The following TUBGCP3 variants were observed in gnomAD, a reference collection of about 807,000 sequenced individuals.
TUBGCP3 encodes tubulin gamma complex component 3, also known as gamma-tubulin complex component 3.
In TUBGCP3, 50 loss-of-function variants were observed where a neutral mutation model predicts 123.1. The observed-to-expected ratio is 0.41, with a 90% CI of 0.32 to 0.51. The LOEUF (loss-of-function observed/expected upper bound fraction) is 0.51. Ranked by LOEUF, TUBGCP3 falls within the 20% of genes least tolerant of loss-of-function variation. The probability of loss-of-function intolerance (pLI) is 0.36; values close to 1 mark genes in which losing one functional copy is unlikely to be tolerated. For missense variants in TUBGCP3, 882 were observed against 1,127.0 expected (o/e 0.78, Z 3.11); for synonymous variants, 405 against 413.9 (o/e 0.98, Z 0.26).
rs541049664 is a variant in TUBGCP3, at chr13:112,560,407, G to A, written c.253-1008C>T. Among the ~76,000 whole-genome samples the A allele has an allele frequency of 2.6e-3, 397 of 151,520 alleles. 3 individuals carry two copies. Among genetic ancestry groups the A allele is most frequent in the African/African-American group, 9.2e-3 (379 of 41,310 alleles). Reference sequence around the variant, plus strand: ...ATCCCGCCACTGCACTCCAGCCTGGGCGACAGAGCGAGACTCCGTCTCAAA... The same window carrying A: ...ATCCCGCCACTGCACTCCAGCCTGGACGACAGAGCGAGACTCCGTCTCAAA... On this transcript the variant is annotated intron_variant, in intron 3 of 21. Coordinates refer to ENST00000261965, the MANE Select transcript of TUBGCP3 (RefSeq NM_006322.6).
chr13:112,554,997 C>A lies in TUBGCP3; in HGVS notation c.730G>T (p.Glu244Ter). ...RREGDTGGTM[E>*]ITEAALVRDI... ...CTTACCAGAGCTGCTTCTGTAATTT[C>A]CATAGTACCTGCAAAATCATTTTTT... The change falls in exon 7 of 22, where the codon GAA becomes TAA. Residue 244 changes from glutamate (E) to a stop codon, truncating the protein, a stop_gained. Coordinates refer to ENST00000261965, the MANE Select transcript of TUBGCP3 (RefSeq NM_006322.6). LOFTEE classifies it high-confidence loss of function. 1 of 1,594,612 alleles carries A rather than the reference C, an allele frequency of 6.3e-7. No homozygotes were observed. The highest frequency in any genetic ancestry group is 8.5e-7 in the Non-Finnish European group (1 of 1,171,312).
intron 11 of TUBGCP3, among the ~76,000 whole-genome samples, chr13:112,542,201 T>C (rs992539003): frequency 2.6e-5 from 4 of 152,206 alleles, no homozygotes; most frequent in African/African-American, 9.6e-5. Flanking sequence ...AACCACAAGA[T>C]CACTTAGACT....
At chr13:112,514,189 C>CTG (rs1201703466) in intron 17 of TUBGCP3, among the ~76,000 whole-genome samples, 1 of 149,486 alleles carries the variant, frequency 6.7e-6, no homozygotes, top group Non-Finnish European at 1.5e-5. Context: ...TAATCACTTA[C>CTG]TGTGCCTAAC....
chr13:112,522,931 T>G (rs1378366091), intron 13 of TUBGCP3, among the ~76,000 whole-genome samples: 1 of 152,090 alleles, frequency 6.6e-6, no homozygotes, highest in Non-Finnish European at 1.5e-5. Context: ...AAAAGTTGAG[T>G]AGTAGTATCA....
In TUBGCP3 at chr13:112,586,170, T is replaced by C. The variant is rs1439420080; in HGVS notation, c.76+1735A>G. Reference sequence around the variant, plus strand: ...AGGAGAATGGCATGAACCCGGAAGGTAGAGCTTGGCAGTGAGCCGAGATCA... The same window carrying C: ...AGGAGAATGGCATGAACCCGGAAGGCAGAGCTTGGCAGTGAGCCGAGATCA... On this transcript the variant is annotated intron_variant, in intron 1 of 21. Transcript: ENST00000261965. 2.7e-5 allele frequency among the ~76,000 whole-genome samples: 4 copies of C among 148,464 alleles called. No individual in the cohort carries two copies. In the East Asian group the frequency reaches 8.1e-4, roughly 30 times the overall value.
chr13:112,514,691 C>G (rs1261128262), intron 17 of TUBGCP3, among the ~76,000 whole-genome samples: 1 of 152,050 alleles, frequency 6.6e-6, no homozygotes, highest in Non-Finnish European at 1.5e-5. Context: ...TACACTTTTC[C>G]CAAAAAGTGA....
At chr13:112,570,311 A>G (rs1881299955) in intron 1 of TUBGCP3, among the ~76,000 whole-genome samples, 1 of 152,250 alleles carries the variant, frequency 6.6e-6, no homozygotes, top group East Asian at 1.9e-4. Flanking sequence ...GGGATCCCCA[A>G]CAAGCACACG....
At chr13:112,586,191 G>A (rs1451524008) in intron 1 of TUBGCP3, among the ~76,000 whole-genome samples, 3 of 150,058 alleles carry the variant, frequency 2.0e-5, no homozygotes, top group African/African-American at 7.4e-5. Context: ...AGTGAGCCGA[G>A]ATCACACCAC....
intron 21 of TUBGCP3, 149 bp from the exon 22 acceptor site, chr13:112,486,300 G>T: frequency 1.0e-6 from 1 of 986,226 alleles, no homozygotes. Context: ...CAGGTGTCCA[G>T]GGAGCAAGAG....
intron 1 of TUBGCP3, among the ~76,000 whole-genome samples, chr13:112,587,679 C>T (rs918198194): frequency 1.3e-5 from 2 of 152,194 alleles, no homozygotes; most frequent in African/African-American, 4.8e-5. Flanking sequence ...CCACTCCCTC[C>T]GCCCCGGTCC....
At chr13:112,521,588 C>T (rs1161213338) in intron 14 of TUBGCP3, 4 of 888,312 alleles carry the variant, frequency 4.5e-6, no homozygotes, top group African/African-American at 1.8e-5. Context: ...AGGCCTAAAA[C>T]AATTGCTTGG....
At chr13:112,526,409 TCAC>T (rs756497689) in intron 13 of TUBGCP3, among the ~76,000 whole-genome samples, 16 of 141,392 alleles carry the variant, frequency 1.1e-4, no homozygotes, top group Admixed American at 3.5e-4. Flanking sequence ...ATCAACATCA[TCAC>T]CACCATCACT....
intron 1 of TUBGCP3, chr13:112,587,166 G>A (rs1200407394): frequency 6.6e-6 from 1 of 152,144 alleles, no homozygotes; most frequent in Non-Finnish European, 1.5e-5. Context: ...AAAACAAGGA[G>A]CAAGAAATGG....
At chr13:112,514,941 G>T (rs547706837) in intron 17 of TUBGCP3, among the ~76,000 whole-genome samples, 1 of 152,142 alleles carries the variant, frequency 6.6e-6, no homozygotes, top group African/African-American at 2.4e-5. Flanking sequence ...AGGTAATATC[G>T]TGCTATTAAA....
chr13:112,582,584 G>A lies in TUBGCP3; in HGVS notation c.76+5321C>T, dbSNP rs79795815. ...TGGACACTGCTGCTGCAGGGAGGCC[G>A]TGCCACAGGGCTCTAAATGCCACTC... is the stretch of plus-strand genomic sequence containing the variant. On this transcript the variant is annotated intron_variant, in intron 1 of 21. Coordinates refer to ENST00000261965, the MANE Select transcript of TUBGCP3 (RefSeq NM_006322.6). Among the ~76,000 whole-genome samples the A allele has an allele frequency of 5.3e-4, 80 of 152,334 alleles. No individual in the cohort carries two copies. The East Asian group carries it at 0.012, about 22-fold the overall frequency.
the TUBGCP3 span, among the ~76,000 whole-genome samples, chr13:112,598,321 A>C: frequency 2.6e-5 from 4 of 151,558 alleles, no homozygotes; most frequent in African/African-American, 9.7e-5. Flanking sequence ...TCCTTCAGGC[A>C]GAAGAAAAAT....
At chr13:112,571,981 T>C (rs1488747524) in intron 1 of TUBGCP3, among the ~76,000 whole-genome samples, 5 of 152,270 alleles carry the variant, frequency 3.3e-5, no homozygotes, top group Non-Finnish European at 2.9e-5. Context: ...AAAGGAATGC[T>C]GTGGCTGGTT....
chr13:112,559,088 A>G (rs921835034), intron 4 of TUBGCP3, among the ~76,000 whole-genome samples: 1 of 152,268 alleles, frequency 6.6e-6, no homozygotes, highest in African/African-American at 2.4e-5. Context: ...TTTATTCTCT[A>G]TTTAATCACC....
rs532483046 is a variant in TUBGCP3, at chr13:112,524,630, C to G, written c.1556-2121G>C. Reference sequence around the variant, plus strand: ...ACAATCTGGGGTCTATGTACCCCCCCACAAAAAAATACATGTAAAATTATG... The same window carrying G: ...ACAATCTGGGGTCTATGTACCCCCCGACAAAAAAATACATGTAAAATTATG... On this transcript the variant is annotated intron_variant, in intron 13 of 21. Coordinates refer to ENST00000261965, the MANE Select transcript of TUBGCP3 (RefSeq NM_006322.6). This position sits in a 1 kb window ranked among gnomAD's most constrained non-coding sequence, Gnocchi z 4.4. Among the ~76,000 whole-genome samples the G allele has an allele frequency of 6.6e-6, 1 of 152,100 alleles. No homozygotes were observed. Among genetic ancestry groups the G allele is most frequent in the East Asian group, 1.9e-4 (1 of 5,192 alleles).
Sources: gnomAD v4.1 joint callset for allele counts (sites outside exome capture counted in the v4.1 genomes callset) on GRCh38, gnomAD v4.1.1 for gene constraint, Gnocchi (gnomAD v3.1) non-coding constraint, MANE v1.5 for transcripts, NCBI Gene and HGNC (gene_info 2026-07-23, HGNC 2026-07-21) for gene names.